The following ITIH2 variants were observed in gnomAD, a reference collection of about 807,000 sequenced individuals.
ITIH2 encodes the protein inter-alpha-trypsin inhibitor heavy chain 2.
A neutral mutation model predicts 104.4 loss-of-function variants in ITIH2; 103 were observed. The ratio of observed to expected loss-of-function variants is 0.99; its 90% CI spans 0.84 to 1.16. The LOEUF is 1.16. Ranked by LOEUF, ITIH2 falls within the 50% of genes most tolerant of loss-of-function variation. ITIH2 has a pLI of 0.00. For missense variants in ITIH2, 1,108 were observed against 1,162.4 expected (o/e 0.95, Z 0.68); for synonymous variants, 436 against 435.4 (o/e 1.00, Z -0.02).
intron 5 of ITIH2, among the ~76,000 whole-genome samples, chr10:7,714,224 T>C (rs113497810): frequency 1.4e-5 from 2 of 142,676 alleles, no homozygotes; most frequent in Admixed American, 7.5e-5. Flanking sequence ...CAGGCTGGAG[T>C]GCAGTGGTGC....
chr10:7,728,532 C>A (rs3858257), intron 11 of ITIH2, among the ~76,000 whole-genome samples: 32,675 of 151,868 alleles, frequency 0.22, 4,398 homozygotes, highest in African/African-American at 0.38. Flanking sequence ...CAGGTGTGCA[C>A]CACCACACTC....
At chr10:7,735,454 G>C (rs1835045771) in intron 15 of ITIH2, among the ~76,000 whole-genome samples, 1 of 151,814 alleles carries the variant, frequency 6.6e-6, no homozygotes, top group Admixed American at 6.6e-5. Context: ...AATCTCACCT[G>C]TTTGGAAAGC....
chr10:7,729,169 C>A (rs1834977620), intron 11 of ITIH2, among the ~76,000 whole-genome samples: 1 of 152,106 alleles, frequency 6.6e-6, no homozygotes, highest in South Asian at 2.1e-4. Context: ...CAAAATTAGC[C>A]TGACAGGGCG....
At chr10:7,721,316 C>T (rs751917509) in intron 7 of ITIH2, among the ~76,000 whole-genome samples, 1 of 152,216 alleles carries the variant, frequency 6.6e-6, no homozygotes, top group Admixed American at 6.5e-5. Flanking sequence ...CGATAACCAA[C>T]TATGACTCCT....
At chr10:7,709,687 G>T (rs371809972) in intron 4 of ITIH2, among the ~76,000 whole-genome samples, 34 of 152,106 alleles carry the variant, frequency 2.2e-4, no homozygotes, top group Admixed American at 1.2e-3. Flanking sequence ...TTTTCCCAAG[G>T]CAATCAACTC....
In ITIH2 at chr10:7,723,534, G is replaced by A. The variant is rs1834926308; in HGVS notation, c.951G>A (p.Val317=). The change falls in exon 9 of 21, where the codon GTG becomes GTA. Residue 317 remains valine, a synonymous_variant. Transcript: ENST00000358415. ...IPKNILFVID[V]SGSMWGVKMK... is the part of the protein sequence containing the mutation. ...AAAACATCCTCTTTGTCATCGATGT[G>A]AGTGGCTCCATGTGGGGAGTTAAAA... 8 of 1,613,674 alleles carry A rather than the reference G, an allele frequency of 5.0e-6. No individual in the cohort carries two copies. The highest frequency in any genetic ancestry group is 1.7e-5 in the Admixed American group (1 of 60,000).
intron 19 of ITIH2, 138 bp downstream of exon 19, chr10:7,745,101 C>T (rs1385552050): frequency 1.6e-5 from 11 of 690,922 alleles, no homozygotes; most frequent in East Asian, 2.8e-5. Flanking sequence ...AGTGTGGGGT[C>T]GCTCGGGAAT....
chr10:7,736,728 T>C (rs1835059082), intron 15 of ITIH2, among the ~76,000 whole-genome samples: 2 of 152,128 alleles, frequency 1.3e-5, no homozygotes, highest in African/African-American at 2.4e-5. Context: ...AATGTGACTG[T>C]TTTTCATGTA....
At chr10:7,733,009 G>A (rs961104639) in intron 14 of ITIH2, among the ~76,000 whole-genome samples, 1 of 152,084 alleles carries the variant, frequency 6.6e-6, no homozygotes, top group African/African-American at 2.4e-5. Context: ...TTACAGGCAT[G>A]AGCCACCGCA....
At chr10:7,747,901 A>C (rs1438152103) in intron 20 of ITIH2, among the ~76,000 whole-genome samples, 2 of 150,922 alleles carry the variant, frequency 1.3e-5, no homozygotes, top group East Asian at 4.0e-4. Flanking sequence ...CTGTCTCATA[A>C]ATAAATACAT....
chr10:7,737,681 C>CTATATTA (rs1835075148), intron 15 of ITIH2, among the ~76,000 whole-genome samples: 4 of 22,466 alleles, frequency 1.8e-4, no homozygotes, highest in Non-Finnish European at 2.9e-4. Flanking sequence ...TCTATATTTT[C>CTATATTA]TATATTATAT....
At chr10:7,747,522 G>A (rs1026868067) in intron 20 of ITIH2, among the ~76,000 whole-genome samples, 1 of 152,188 alleles carries the variant, frequency 6.6e-6, no homozygotes, top group Non-Finnish European at 1.5e-5. Flanking sequence ...GGGAATCAGT[G>A]AGCATGTGTC....
rs752980475 is a variant in ITIH2 at position 7,734,937 on chromosome 10, A to G, written c.1803A>G (p.Thr601=). 6.2e-7 allele frequency: 1 copy of G among 1,612,602 alleles called. No individual in the cohort carries two copies. The highest frequency in any genetic ancestry group is 1.3e-5 in the African/African-American group (1 of 75,056). Residue 601 remains threonine, a synonymous_variant, in exon 15 of 21, where the codon ACA becomes ACG. Transcript: ENST00000358415. ...TTGAATACAGAAGCCTGGCTCCTAC[A>G]GCTGCCGCCAAGAGAAGAATTACAA... The part of the protein sequence containing the change: ...QLLAERSLAP[T]AAAKRRITRS...
intron 14 of ITIH2, among the ~76,000 whole-genome samples, chr10:7,734,605 G>C (rs1017218623): frequency 2.6e-5 from 4 of 152,132 alleles, no homozygotes; most frequent in Admixed American, 2.0e-4. Context: ...TGAGGGAGGA[G>C]GATCTCTTGA....
rs1157021386 is a variant in ITIH2, at chr10:7,726,971, A to G, written c.1006A>G (p.Ile336Val). 8 of 1,613,068 alleles carry G rather than the reference A, an allele frequency of 5.0e-6. No individual in the cohort carries two copies. The highest frequency in any genetic ancestry group is 2.2e-5 in the East Asian group (1 of 44,854). Reference sequence around the variant, plus strand: ...ATAGACTGTGGAAGCAATGAAGACCATATTGGATGACCTCAGAGCAGAAGA... The same window carrying G: ...ATAGACTGTGGAAGCAATGAAGACCGTATTGGATGACCTCAGAGCAGAAGA... ...MKQTVEAMKTILDDLRAEDHF... is the reference protein window; with the variant it reads ...MKQTVEAMKTVLDDLRAEDHF... Residue 336 changes from isoleucine to valine, a missense_variant, in exon 10 of 21, where the codon ATA becomes GTA. Ile to Val is a conservative substitution (Grantham distance 29). Coordinates refer to ENST00000358415, the MANE Select transcript of ITIH2 (RefSeq NM_002216.3).
intron 4 of ITIH2, among the ~76,000 whole-genome samples, chr10:7,711,940 A>G (rs1272095740): frequency 6.6e-6 from 1 of 152,174 alleles, no homozygotes; most frequent in Non-Finnish European, 1.5e-5. Flanking sequence ...ATTACTTGGT[A>G]AGGATTAGGT....
intron 2 of ITIH2, among the ~76,000 whole-genome samples, chr10:7,705,492 G>A (rs1362617130): frequency 6.6e-6 from 1 of 152,000 alleles, no homozygotes; most frequent in Non-Finnish European, 1.5e-5. Context: ...GATCACTTGA[G>A]GCCAGGAGTT....
At chr10:7,709,265 T>A (rs1834774734) in intron 4 of ITIH2, 74 bp downstream of exon 4, 1 of 1,340,840 alleles carries the variant, frequency 7.5e-7, no homozygotes, top group East Asian at 2.3e-5. Flanking sequence ...ATAGTTAGAA[T>A]GGACTTTAGT....
intron 16 of ITIH2, among the ~76,000 whole-genome samples, chr10:7,740,042 C>T (rs532956057): frequency 4.6e-5 from 7 of 152,188 alleles, no homozygotes; most frequent in South Asian, 2.1e-4. Flanking sequence ...AAAAATTAGC[C>T]GGGCATGGTG....
Sources: gnomAD v4.1 joint callset for allele counts (sites outside exome capture counted in the v4.1 genomes callset) on GRCh38, gnomAD v4.1.1 for gene constraint, MANE v1.5 for transcripts, NCBI Gene and HGNC (gene_info 2026-07-23, HGNC 2026-07-21) for gene names.